Variants in SNX14 observed in about 807,000 individuals in gnomAD.
SNX14 encodes the protein sorting nexin 14.
SNX14 carries 93 observed loss-of-function variants against 133.8 expected under a neutral mutation model. That is an observed-to-expected ratio of 0.70 (90% CI 0.59 to 0.83). The LOEUF (loss-of-function observed/expected upper bound fraction) is 0.83, where lower values mean the gene tolerates loss of function less well. Among genes scored for constraint, SNX14 ranks in the 40% least tolerant of loss-of-function variants. The pLI, the probability that SNX14 is intolerant of heterozygous loss-of-function variation, is 0.00. For missense variants in SNX14, 945 were observed against 1,094.9 expected, an observed-to-expected ratio of 0.86 and a Z score of 1.93; for synonymous variants, 368 against 365.6, an observed-to-expected ratio of 1.01 and a Z score of -0.07.
chr6:85,550,321 A>G (rs1787281850), intron 7 of SNX14, among the ~76,000 whole-genome samples: 1 of 152,250 alleles, frequency 6.6e-6, no homozygotes, highest in Non-Finnish European at 1.5e-5. Context: ...CTTTGCAAAC[A>G]AGAATTTAAA....
intron 12 of SNX14, among the ~76,000 whole-genome samples, chr6:85,544,498 A>G (rs1174898264): frequency 6.6e-6 from 1 of 152,202 alleles, no homozygotes. Context: ...ACAGCCAGGA[A>G]TTTTCAAAAT....
chr6:85,560,256 T>C (rs1791094923), intron 6 of SNX14, among the ~76,000 whole-genome samples: 1 of 152,110 alleles, frequency 6.6e-6, no homozygotes, highest in Non-Finnish European at 1.5e-5. Context: ...GATGAATGGA[T>C]AAACAAAATG....
Position 85,548,734 on chromosome 6 carries a change from C to T in SNX14, c.792-358G>A, listed in dbSNP as rs191091705. Among the ~76,000 whole-genome samples the T allele has an allele frequency of 2.1e-4, 32 of 152,004 alleles. No homozygotes were observed. The East Asian group carries it at 2.7e-3, about 13-fold the overall frequency. On this transcript the variant is annotated intron_variant, in intron 8 of 28. Coordinates refer to ENST00000314673, the MANE Select transcript of SNX14 (RefSeq NM_153816.6). ...CTGTAATCTCAGAACTTTGGGTGGC[C>T]GAGGCAGGGGGATCACAAGGTCAGG...
intron 26 of SNX14, 22 bp downstream of exon 26, chr6:85,513,776 TAA>T: frequency 6.5e-7 from 1 of 1,547,410 alleles, no homozygotes; most frequent in Non-Finnish European, 8.9e-7. Context: ...TATATGAAAT[TAA>T]GTTACTTCTT....
At chr6:85,516,329 AATTCCTAGC>A (rs1582519327) in intron 23 of SNX14, among the ~76,000 whole-genome samples, 1 of 152,116 alleles carries the variant, frequency 6.6e-6, no homozygotes. Context: ...CTCCCTGACA[AATTCCTAGC>A]ATTCCTAGCA....
intron 7 of SNX14, among the ~76,000 whole-genome samples, chr6:85,551,018 T>G (rs1386443309): frequency 6.6e-6 from 1 of 152,134 alleles, no homozygotes; most frequent in African/African-American, 2.4e-5. Flanking sequence ...TGACTTCATG[T>G]GATCCACCCA....
chr6:85,552,277 C>T (rs1191604165), intron 7 of SNX14, among the ~76,000 whole-genome samples: 4 of 151,998 alleles, frequency 2.6e-5, no homozygotes, highest in African/African-American at 9.7e-5. Context: ...ACCTCGTGAT[C>T]CGCCCGCCTC....
chr6:85,562,871 A>G (rs1259149673), intron 6 of SNX14, among the ~76,000 whole-genome samples: 1 of 152,134 alleles, frequency 6.6e-6, no homozygotes, highest in Non-Finnish European at 1.5e-5. Context: ...GGCATGAGCC[A>G]CGGTGCATGG....
chr6:85,549,027 T>C (rs1286256811), intron 8 of SNX14, among the ~76,000 whole-genome samples: 1 of 151,406 alleles, frequency 6.6e-6, no homozygotes, highest in Non-Finnish European at 1.5e-5. Context: ...AATACTTAAA[T>C]GTTTATTATA....
chr6:85,572,376 T>TA lies in SNX14; in HGVS notation c.262-3dup, dbSNP rs775206215. On this transcript the variant is annotated splice_region_variant and splice_polypyrimidine_tract_variant and intron_variant, in intron 2 of 28. Coordinates refer to ENST00000314673, the MANE Select transcript of SNX14 (RefSeq NM_153816.6). Reference sequence around the variant, plus strand: ...AAATAATTCCTGAAGTCCTAACTGCTAAAAAAGGAAAATGAGAGGTGGTGG... The same window carrying TA: ...AAATAATTCCTGAAGTCCTAACTGCTAAAAAAAGGAAAATGAGAGGTGGTGG... 1 of 1,608,662 alleles carries TA rather than the reference T, an allele frequency of 6.2e-7. No homozygotes were observed. The highest frequency in any genetic ancestry group is 8.5e-7 in the Non-Finnish European group (1 of 1,178,034).
chr6:85,517,031 T>C (rs1775277691), intron 23 of SNX14, among the ~76,000 whole-genome samples: 1 of 152,208 alleles, frequency 6.6e-6, no homozygotes, highest in Non-Finnish European at 1.5e-5. Flanking sequence ...CCTTTCTATA[T>C]AGCAGTCCTA....
intron 1 of SNX14, among the ~76,000 whole-genome samples, chr6:85,590,858 C>T (rs949431935): frequency 1.4e-4 from 21 of 152,182 alleles, no homozygotes; most frequent in African/African-American, 5.1e-4. Context: ...TCATGAATTT[C>T]CTTTTCTTTT....
intron 1 of SNX14, among the ~76,000 whole-genome samples, chr6:85,591,549 G>C (rs1401714238): frequency 6.6e-6 from 1 of 152,106 alleles, no homozygotes; most frequent in Non-Finnish European, 1.5e-5. Flanking sequence ...ATACAGATCA[G>C]ATGGCATCCT....
chr6:85,538,963 G>T, intron 15 of SNX14, 99 bp from the exon 16 acceptor site: 1 of 1,050,258 alleles, frequency 9.5e-7, no homozygotes, highest in Non-Finnish European at 1.4e-6. Context: ...AAATTTAAAA[G>T]CTTCAGAAGT....
At chr6:85,572,505 A>G (rs760511181) in intron 2 of SNX14, 131 bp from the exon 3 acceptor site, 74 of 689,320 alleles carry the variant, frequency 1.1e-4, no homozygotes, top group Non-Finnish European at 1.7e-4. Context: ...CTACTTTAAC[A>G]GTGAAATCTT....
chr6:85,522,471 A>G (rs1046049745), intron 21 of SNX14, among the ~76,000 whole-genome samples: 60 of 152,230 alleles, frequency 3.9e-4, no homozygotes, highest in African/African-American at 1.3e-3. Context: ...ACTTGGGGAT[A>G]AATTTACATC....
chr6:85,573,672 G>C (rs1388331979), intron 2 of SNX14, among the ~76,000 whole-genome samples: 3 of 152,076 alleles, frequency 2.0e-5, no homozygotes, highest in African/African-American at 4.8e-5. Flanking sequence ...GAATTTAATA[G>C]GATTAGATCA....
chr6:85,561,884 C>T (rs1004378103), intron 6 of SNX14, among the ~76,000 whole-genome samples: 7 of 150,390 alleles, frequency 4.7e-5, no homozygotes, highest in African/African-American at 1.7e-4. Flanking sequence ...AGTACATGTG[C>T]AGGCTCATTA....
chr6:85,574,639 C>T (rs1490738694), intron 1 of SNX14, among the ~76,000 whole-genome samples: 1 of 152,150 alleles, frequency 6.6e-6, no homozygotes, highest in Non-Finnish European at 1.5e-5. Flanking sequence ...CTAGTCTATA[C>T]TACATTCTTC....
Sources: allele counts gnomAD v4.1 joint callset (sites outside exome capture counted in the v4.1 genomes callset), GRCh38; gene constraint gnomAD v4.1.1; transcripts MANE v1.5; gene names NCBI Gene and HGNC (gene_info 2026-07-23, HGNC 2026-07-21).